PCDHA4: variants seen among roughly 807,000 people sequenced by gnomAD.
PCDHA4 encodes the protein protocadherin alpha-4.
PCDHA4 carries 49 observed loss-of-function variants against 61.4 expected under a neutral mutation model. That is an observed-to-expected ratio of 0.80 (90% confidence interval 0.63 to 1.01). The LOEUF (loss-of-function observed/expected upper bound fraction) is 1.01, where lower values mean the gene tolerates loss of function less well. PCDHA4 is among the 50% of genes least tolerant of loss of function. PCDHA4 has a pLI of 0.00. For synonymous variants in PCDHA4, 590 were observed against 550.3 expected, an observed-to-expected ratio of 1.07 and a Z score of -1.01; for missense variants, 1,254 against 1,235.8, an observed-to-expected ratio of 1.01 and a Z score of -0.22.
chr5:140,855,802 G>C (rs1329894390), intron 1 of PCDHA4: 4 of 477,838 alleles, frequency 8.4e-6, no homozygotes, highest in Non-Finnish European at 1.5e-5. Context: ...ACATATGAAT[G>C]AAAGAAAAGT....
At chr5:140,937,824 A>C (rs1229119616) in intron 1 of PCDHA4, among the ~76,000 whole-genome samples, 1 of 151,696 alleles carries the variant, frequency 6.6e-6, no homozygotes, top group African/African-American at 2.4e-5. Flanking sequence ...AGGCAGGAGA[A>C]TGGCATGAAC....
intron 3 of PCDHA4, among the ~76,000 whole-genome samples, chr5:141,007,395 C>CAAAAAAAAAAAA (rs35800918): frequency 6.3e-5 from 6 of 94,866 alleles, no homozygotes; most frequent in Admixed American, 1.2e-4. Flanking sequence ...TACTAAAATA[C>CAAAAAAAAAAAA]AAAAAAAAAA....
At chr5:140,875,342 A>G in intron 1 of PCDHA4, 1 of 1,443,152 alleles carries the variant, frequency 6.9e-7, no homozygotes, top group South Asian at 1.5e-5. Flanking sequence ...GATCGACTCC[A>G]TAATGACTGT....
intron 1 of PCDHA4, chr5:140,849,645 C>A: frequency 6.3e-7 from 1 of 1,598,746 alleles, no homozygotes; most frequent in Non-Finnish European, 8.6e-7. Flanking sequence ...TGCCAACGGG[C>A]AGGTTACCTG....
chr5:140,807,203 G>C lies in PCDHA4; in HGVS notation c.16G>C (p.Gly6Arg), dbSNP rs1562206612. The C allele has an allele frequency of 6.2e-7, 1 of 1,613,738 alleles. No individual in the cohort carries two copies. The highest frequency in any genetic ancestry group is 8.5e-7 in the Non-Finnish European group (1 of 1,179,800). Residue 6 changes from glycine to arginine, a missense_variant, in exon 1 of 4, where the codon GGA becomes CGA. Gly to Arg is a moderately radical substitution (Grantham distance 125). Transcript: ENST00000530339. MEFSWGSGQESRRLLL... is the reference protein window; with the variant it reads MEFSWRSGQESRRLLL... ...TGCACTAAAGATGGAGTTTTCCTGG[G>C]GAAGCGGCCAGGAATCCCGGCGTCT... is the stretch of plus-strand genomic sequence containing the variant.
At chr5:140,970,810 A>G (rs2096434442) in intron 1 of PCDHA4, among the ~76,000 whole-genome samples, 1 of 152,138 alleles carries the variant, frequency 6.6e-6, no homozygotes. Flanking sequence ...TTACATTTCA[A>G]GTTCATGGTA....
chr5:140,990,535 A>T (rs1450949471), intron 3 of PCDHA4, among the ~76,000 whole-genome samples: 1 of 152,182 alleles, frequency 6.6e-6, no homozygotes, highest in African/African-American at 2.4e-5. Context: ...ACTGTGCATC[A>T]TAGATACTGT....
At chr5:140,829,051 T>G (rs2150162199) in intron 1 of PCDHA4, 1 of 1,613,104 alleles carries the variant, frequency 6.2e-7, no homozygotes, top group South Asian at 1.1e-5. Flanking sequence ...AAATCCTCAT[T>G]GACGCCACGG....
intron 1 of PCDHA4, chr5:140,868,434 C>A (rs1581841717): frequency 6.6e-6 from 1 of 152,092 alleles, no homozygotes; most frequent in East Asian, 1.9e-4. Context: ...GAGAATAGAT[C>A]ATGTGGAACA....
chr5:140,991,386 G>T (rs1044991848), intron 3 of PCDHA4, among the ~76,000 whole-genome samples: 2 of 152,168 alleles, frequency 1.3e-5, no homozygotes, highest in African/African-American at 4.8e-5. Context: ...CAACTGTAGG[G>T]TGTCTGTATT....
intron 3 of PCDHA4, among the ~76,000 whole-genome samples, chr5:140,990,137 G>C (rs548002411): frequency 2.0e-4 from 31 of 152,224 alleles, no homozygotes; most frequent in African/African-American, 7.2e-4. Context: ...TCAGACTCAA[G>C]AGGCATAATA....
intron 1 of PCDHA4, among the ~76,000 whole-genome samples, chr5:140,945,439 A>G (rs1291434553): frequency 6.6e-6 from 1 of 152,188 alleles, no homozygotes; most frequent in Non-Finnish European, 1.5e-5. Flanking sequence ...TTACAGAAAT[A>G]TAAAAAACTT....
Position 140,808,128 on chromosome 5 carries a change from A to T in PCDHA4, c.941A>T (p.Lys314Ile), listed in dbSNP as rs1554124423. 1.2e-6 allele frequency: 2 copies of T among 1,614,078 alleles called. No individual in the cohort carries two copies. Among genetic ancestry groups the T allele is most frequent in the South Asian group, 2.2e-5 (2 of 91,086 alleles). Reference protein sequence around the residue: ...VKGYIDFEESKSYEIIVEGID... With the variant: ...VKGYIDFEESISYEIIVEGID... ...GGATATATTGACTTTGAAGAAAGCA[A>T]ATCCTATGAAATTATTGTAGAGGGC... Residue 314 changes from lysine (K) to isoleucine (I), a missense_variant, in exon 1 of 4, where the codon AAA becomes ATA. By Grantham distance (102) the Lys-to-Ile change is moderately radical. Transcript: ENST00000530339.
intron 1 of PCDHA4, chr5:140,969,265 A>T: frequency 1.9e-6 from 3 of 1,614,250 alleles, no homozygotes; most frequent in Non-Finnish European, 2.5e-6. Flanking sequence ...GGAATCTCAC[A>T]GGCCAAAGTG....
intron 1 of PCDHA4, among the ~76,000 whole-genome samples, chr5:140,845,543 T>C (rs1416946225): frequency 6.7e-6 from 1 of 149,544 alleles, no homozygotes; most frequent in Non-Finnish European, 1.5e-5. Flanking sequence ...ATTCTAATTA[T>C]GGTGATGCTT....
At chr5:140,974,372 G>A (rs782769705) in intron 1 of PCDHA4, among the ~76,000 whole-genome samples, 28 of 152,076 alleles carry the variant, frequency 1.8e-4, no homozygotes, top group Non-Finnish European at 4.0e-4. Flanking sequence ...AGCACTTTCT[G>A]TTGTACTGGA....
intron 1 of PCDHA4, chr5:140,842,788 G>C: frequency 6.3e-7 from 1 of 1,594,522 alleles, no homozygotes; most frequent in Non-Finnish European, 8.6e-7. Context: ...AGAACGCGCT[G>C]GTGTCCTACT....
At chr5:140,857,724 A>C in intron 1 of PCDHA4, 1 of 1,597,434 alleles carries the variant, frequency 6.3e-7, no homozygotes. Flanking sequence ...GACGAGAACG[A>C]CAACGCTCCC....
chr5:141,004,336 G>A (rs1554259546), intron 3 of PCDHA4, among the ~76,000 whole-genome samples: 1 of 152,224 alleles, frequency 6.6e-6, no homozygotes, highest in East Asian at 1.9e-4. Flanking sequence ...AGGCACAGTG[G>A]TCTGTGAGGG....
Sources: gnomAD v4.1 joint callset for allele counts (sites outside exome capture counted in the v4.1 genomes callset) on GRCh38, gnomAD v4.1.1 for gene constraint, MANE v1.5 for transcripts, NCBI Gene and HGNC (gene_info 2026-07-23, HGNC 2026-07-21) for gene names.